The following USH2A variants were observed in gnomAD, a reference collection of about 807,000 sequenced individuals.
The protein encoded by USH2A is usherin, also known as Usher syndrome 2A (autosomal recessive, mild).
In USH2A, 443 loss-of-function variants were observed where a neutral mutation model predicts 538.9. The ratio of observed to expected loss-of-function variants is 0.82; its 90% CI spans 0.76 to 0.89. USH2A has a LOEUF of 0.89. Ranked by LOEUF, USH2A falls within the 40% of genes least tolerant of loss-of-function variation. The probability of loss-of-function intolerance (pLI) is 0.00; values close to 1 mark genes in which losing one functional copy is unlikely to be tolerated. For missense variants in USH2A, 6,633 were observed against 6,324.8 expected, an observed-to-expected ratio of 1.05 and a Z score of -1.65; for synonymous variants, 2,413 against 2,273.5, an observed-to-expected ratio of 1.06 and a Z score of -1.75.
chr1:215,729,066 G>C lies in USH2A; in HGVS notation c.11712-682C>G, dbSNP rs17025255. Among the ~76,000 whole-genome samples the C allele has an allele frequency of 6.9e-3, 1,053 of 152,160 alleles. 25 individuals carry two copies. Among genetic ancestry groups the C allele is most frequent in the East Asian group, 0.059 (307 of 5,172 alleles). On this transcript the variant is annotated intron_variant, in intron 60 of 71. Coordinates refer to ENST00000307340, the MANE Select transcript of USH2A (RefSeq NM_206933.4). ...TGCTCGTAAACTCACTCTGAGCTTG[G>C]CTATATGACTTTTTTGGCTCATGGG...
At chr1:215,693,116 G>GTATGTATATA (rs1553253928) in intron 61 of USH2A, among the ~76,000 whole-genome samples, 1 of 133,516 alleles carries the variant, frequency 7.5e-6, no homozygotes, top group Admixed American at 7.8e-5. Context: ...GTGTGTATGT[G>GTATGTATATA]TATATATATA....
intron 49 of USH2A, among the ~76,000 whole-genome samples, chr1:215,803,898 A>C (rs1466338721): frequency 1.3e-5 from 2 of 152,230 alleles, no homozygotes; most frequent in Non-Finnish European, 2.9e-5. Context: ...ACAAGGCTAC[A>C]GTAACCAAAA....
At chr1:215,948,443 T>TATATACAC (rs749886577) in intron 37 of USH2A, among the ~76,000 whole-genome samples, 19 of 147,172 alleles carry the variant, frequency 1.3e-4, no homozygotes, top group East Asian at 2.0e-4. Flanking sequence ...TATATATATA[T>TATATACAC]ACACACACAC....
chr1:215,797,620 G>A (rs1247160381), intron 50 of USH2A, among the ~76,000 whole-genome samples: 1 of 151,786 alleles, frequency 6.6e-6, no homozygotes. Flanking sequence ...CTTGTAAATG[G>A]AACAAAAAGG....
At position 215,634,482 on chromosome 1, in the gene USH2A, A is replaced by G. The variant is rs1379028367; in HGVS notation, c.15274T>C (p.Tyr5092His). 2 of 1,614,222 alleles carry G rather than the reference A, an allele frequency of 1.2e-6. No homozygotes were observed. Among genetic ancestry groups the G allele is most frequent in the Non-Finnish European group, 8.5e-7 (1 of 1,180,038 alleles). Residue 5092 changes from tyrosine (Y) to histidine (H), a missense_variant, in exon 70 of 72, where the codon TAC (tyrosine) becomes CAC (histidine). Tyr to His is a moderately conservative substitution (Grantham distance 83). Coordinates refer to ENST00000307340, the MANE Select transcript of USH2A (RefSeq NM_206933.4). ...ACCATATGGTTTTCCCCCGGTGGGTAAACATTCAATGGAGACATCCTCTTC... is the reference window on the plus strand; with the variant it reads ...ACCATATGGTTTTCCCCCGGTGGGTGAACATTCAATGGAGACATCCTCTTC... ...LQKRMSPLNV[Y>H]PPGENHMGLA... is the part of the protein sequence containing the mutation.
At chr1:215,731,015 G>GATGGTCTAT (rs1659979606) in intron 60 of USH2A, among the ~76,000 whole-genome samples, 1 of 152,200 alleles carries the variant, frequency 6.6e-6, no homozygotes, top group Non-Finnish European at 1.5e-5. Context: ...ACAAACCTAT[G>GATGGTCTAT]ATGGTCTATG....
intron 3 of USH2A, among the ~76,000 whole-genome samples, chr1:216,395,598 A>G (rs890402300): frequency 2.0e-5 from 3 of 152,250 alleles, no homozygotes; most frequent in African/African-American, 7.2e-5. Context: ...ATGTTTAACT[A>G]CGCAAATTAT....
chr1:215,648,818 T>C, intron 65 of USH2A, 52 bp from the exon 66 acceptor site: 1 of 1,543,354 alleles, frequency 6.5e-7, no homozygotes, highest in Non-Finnish European at 8.9e-7. Flanking sequence ...TTAAAGGTGT[T>C]TGATGAATGT....
chr1:216,214,045 G>A (rs140639778), intron 15 of USH2A, among the ~76,000 whole-genome samples: 24 of 152,154 alleles, frequency 1.6e-4, no homozygotes, highest in African/African-American at 5.5e-4. Context: ...TAGAGTCAAT[G>A]CCAAATGTTG....
At chr1:216,153,060 T>C (rs938399136) in intron 21 of USH2A, among the ~76,000 whole-genome samples, 1 of 151,978 alleles carries the variant, frequency 6.6e-6, no homozygotes, top group African/African-American at 2.4e-5. Flanking sequence ...CAGGGGAAGA[T>C]CATCTTCCCA....
At chr1:216,088,691 CT>C (rs2032207787) in intron 23 of USH2A, among the ~76,000 whole-genome samples, 1 of 152,144 alleles carries the variant, frequency 6.6e-6, no homozygotes, top group East Asian at 1.9e-4. Flanking sequence ...ACAAAAACTG[CT>C]TTCCTCTACT....
intron 3 of USH2A, among the ~76,000 whole-genome samples, chr1:216,383,103 G>C (rs182268040): frequency 2.0e-5 from 3 of 152,132 alleles, no homozygotes; most frequent in Non-Finnish European, 4.4e-5. Flanking sequence ...TCTCACTCAG[G>C]CACACAAAAA....
rs753767378 is a variant in USH2A, at chr1:215,811,981, GT to G, written c.9739+1754del. 2.7e-3 allele frequency among the ~76,000 whole-genome samples: 216 copies of G among 78,776 alleles called. 1 individual carries two copies. The highest frequency in any genetic ancestry group is 7.8e-3 in the African/African-American group (149 of 19,220). The allele number at this position is 78,776 out of a possible 152,430, so 51.7% of individuals were successfully genotyped here. ...AAAACCAACCAAAAAAACCCCTAGG[GT>G]TTTTTTTTTTTTTTTTTTTTGAGAC... On this transcript the variant is annotated intron_variant, in intron 49 of 71. Transcript: ENST00000307340.
chr1:215,755,142 G>A (rs577716922), intron 58 of USH2A, among the ~76,000 whole-genome samples: 1 of 152,300 alleles, frequency 6.6e-6, no homozygotes, highest in African/African-American at 2.4e-5. Context: ...AAAGTCATAT[G>A]TGGAGTTTTT....
intron 21 of USH2A, among the ~76,000 whole-genome samples, chr1:216,151,626 C>A (rs2033834740): frequency 6.6e-6 from 1 of 152,126 alleles, no homozygotes; most frequent in South Asian, 2.1e-4. Flanking sequence ...TCCTCCAGGC[C>A]CAAGTTGACT....
chr1:215,825,655 T>G (rs920189944), intron 47 of USH2A, among the ~76,000 whole-genome samples: 1 of 142,074 alleles, frequency 7.0e-6, no homozygotes, highest in East Asian at 1.9e-4. Context: ...TTACACAGGC[T>G]TTTTTTCTAA....
chr1:215,785,397 T>G (rs534019656), intron 52 of USH2A, among the ~76,000 whole-genome samples: 1 of 152,228 alleles, frequency 6.6e-6, no homozygotes, highest in African/African-American at 2.4e-5. Context: ...CTGTCCCTTT[T>G]GATGATGGCA....
chr1:216,107,971 A>G (rs755341323), intron 21 of USH2A, among the ~76,000 whole-genome samples: 49 of 151,882 alleles, frequency 3.2e-4, no homozygotes, highest in Non-Finnish European at 5.3e-4. Flanking sequence ...TTAATTTTAT[A>G]TATGTTGTAA....
intron 32 of USH2A, among the ~76,000 whole-genome samples, chr1:216,016,780 C>T (rs1384767217): frequency 6.7e-6 from 1 of 148,492 alleles, no homozygotes; most frequent in African/African-American, 2.5e-5. Context: ...CTGGTGCCTC[C>T]AACACATTTG....
Sources: allele counts gnomAD v4.1 joint callset (sites outside exome capture counted in the v4.1 genomes callset), GRCh38; gene constraint gnomAD v4.1.1; transcripts MANE v1.5; gene names NCBI Gene and HGNC (gene_info 2026-07-23, HGNC 2026-07-21).